Variants in DMD observed in about 807,000 individuals in gnomAD.
The protein encoded by DMD is dystrophin.
DMD carries 63 observed loss-of-function variants against 330.1 expected under a neutral mutation model. That is an observed-to-expected ratio of 0.19 (90% CI 0.16 to 0.24). The LOEUF (loss-of-function observed/expected upper bound fraction) is 0.24. Among genes scored for constraint, DMD ranks in the 10% least tolerant of loss-of-function variants. DMD has a pLI of 1.00. For missense variants in DMD, 3,344 were observed against 2,684.1 expected, an observed-to-expected ratio of 1.25 and a Z score of -5.43; for synonymous variants, 1,223 against 959.8, an observed-to-expected ratio of 1.27 and a Z score of -5.07.
intron 15 of DMD, among the ~76,000 whole-genome samples, chrX:32,566,734 A>G (rs1297317779): frequency 8.9e-6 from 1 of 111,821 alleles, no homozygotes; most frequent in Admixed American, 9.5e-5. Flanking sequence ...AAATCAGTAA[A>G]TCAGGGCAGT....
chrX:31,582,759 C>A (rs1171921423), intron 55 of DMD, among the ~76,000 whole-genome samples: 1 of 111,934 alleles, frequency 8.9e-6, no homozygotes, highest in Non-Finnish European at 1.9e-5. Flanking sequence ...CCAACGGTGA[C>A]AAGATTCGAA....
chrX:33,060,052 A>G lies in DMD; in HGVS notation c.32-39852T>C, dbSNP rs1043519207. Among the ~76,000 whole-genome samples the G allele has an allele frequency of 1.6e-4, 18 of 111,641 alleles. 1 individual carries two copies. The highest frequency in any genetic ancestry group is 1.1e-3 in the Admixed American group (11 of 10,413). On this transcript the variant is annotated intron_variant, in intron 1 of 78. Transcript: ENST00000357033. ...ATACTGTTAAAGAAAAAATTATTCA[A>G]TGTCACTTGCTGAATCACGGTAAGG... is the stretch of plus-strand genomic sequence containing the variant.
intron 12 of DMD, among the ~76,000 whole-genome samples, chrX:32,603,897 A>G (rs950298438): frequency 9.0e-6 from 1 of 111,618 alleles, no homozygotes; most frequent in African/African-American, 3.2e-5. Flanking sequence ...GACCAGACGT[A>G]TTCACAGCCG....
At chrX:31,374,337 A>G (rs1602275037) in intron 60 of DMD, among the ~76,000 whole-genome samples, 1 of 105,355 alleles carries the variant, frequency 9.5e-6, no homozygotes, top group Non-Finnish European at 1.9e-5. Context: ...TACCCAAAGG[A>G]CTATAAATCA....
chrX:31,310,195 CTCTCTCTCTCCATAT>C (rs2055369421), intron 62 of DMD, among the ~76,000 whole-genome samples: 1 of 72,254 alleles, frequency 1.4e-5, no homozygotes, highest in African/African-American at 8.3e-5. Flanking sequence ...CTCTCTCTCT[CTCTCTCTCTCCATAT>C]ATATATATAT....
At chrX:31,613,659 C>A (rs765453793) in intron 55 of DMD, among the ~76,000 whole-genome samples, 1 of 111,408 alleles carries the variant, frequency 9.0e-6, no homozygotes, top group East Asian at 2.8e-4. Flanking sequence ...GCAGAAGGTG[C>A]CCCTTCTCTT....
intron 78 of DMD, among the ~76,000 whole-genome samples, chrX:31,123,806 CAT>C (rs927456624): frequency 8.9e-6 from 1 of 112,008 alleles, no homozygotes; most frequent in African/African-American, 3.2e-5. Context: ...AGCTAGAAAA[CAT>C]ATTACAAAAC....
chrX:32,088,856 G>A (rs143086112), intron 44 of DMD, among the ~76,000 whole-genome samples: 1,180 of 111,057 alleles, frequency 0.011, 17 homozygotes, highest in African/African-American at 0.033. Context: ...TACGACAAGC[G>A]CTAAGATTGA....
intron 52 of DMD, among the ~76,000 whole-genome samples, chrX:31,707,768 C>T (rs1300644213): frequency 1.8e-5 from 2 of 111,264 alleles, no homozygotes; most frequent in Admixed American, 9.6e-5. Flanking sequence ...CTACAAGGTA[C>T]CACGTGTTTG....
chrX:32,587,055 C>A (rs1053504439), intron 13 of DMD, among the ~76,000 whole-genome samples: 1 of 110,922 alleles, frequency 9.0e-6, no homozygotes, highest in Non-Finnish European at 1.9e-5. Flanking sequence ...TCATAAATAA[C>A]TTCTATTTCT....
At chrX:32,153,931 C>G (rs1389386231) in intron 44 of DMD, among the ~76,000 whole-genome samples, 1 of 112,135 alleles carries the variant, frequency 8.9e-6, no homozygotes, top group Non-Finnish European at 1.9e-5. Context: ...ACAATTAAAT[C>G]TAAATAATAA....
At chrX:32,668,116 G>T (rs764052020) in intron 9 of DMD, among the ~76,000 whole-genome samples, 1 of 110,473 alleles carries the variant, frequency 9.1e-6, no homozygotes, top group East Asian at 2.9e-4. Flanking sequence ...GCCACTGCAT[G>T]CCAGCCTGGC....
chrX:33,035,723 G>A (rs1196150774), intron 1 of DMD, among the ~76,000 whole-genome samples: 1 of 111,649 alleles, frequency 9.0e-6, no homozygotes, highest in Non-Finnish European at 1.9e-5. Flanking sequence ...ATGTGGAATT[G>A]ATGGTTTTCA....
intron 37 of DMD, among the ~76,000 whole-genome samples, chrX:32,354,104 G>A (rs2097790665): frequency 9.0e-6 from 1 of 111,201 alleles, no homozygotes; most frequent in Non-Finnish European, 1.9e-5. Flanking sequence ...ACTTTGGCAT[G>A]CACAGATACA....
At chrX:31,142,940 T>C (rs990370130) in intron 76 of DMD, among the ~76,000 whole-genome samples, 1 of 112,092 alleles carries the variant, frequency 8.9e-6, no homozygotes, top group African/African-American at 3.2e-5. Context: ...TCACCTAATA[T>C]GACTTGTCTC....
chrX:31,575,862 T>C (rs2076071138), intron 55 of DMD, among the ~76,000 whole-genome samples: 1 of 112,100 alleles, frequency 8.9e-6, no homozygotes, highest in African/African-American at 3.2e-5. Flanking sequence ...TGTTGGCACA[T>C]AACATTCACT....
At chrX:32,832,220 G>A (rs2079211071) in intron 4 of DMD, among the ~76,000 whole-genome samples, 2 of 111,229 alleles carry the variant, frequency 1.8e-5, no homozygotes, top group Non-Finnish European at 3.8e-5. Context: ...AACTAGATAT[G>A]AAATGGTACA....
intron 34 of DMD, among the ~76,000 whole-genome samples, chrX:32,367,894 G>A (rs183312604): frequency 3.7e-4 from 41 of 111,754 alleles, no homozygotes; most frequent in African/African-American, 1.2e-3. Context: ...GTGATTCACA[G>A]GACAATTTAC....
chrX:33,153,201 G>C (rs1228509590), intron 1 of DMD, among the ~76,000 whole-genome samples: 1 of 112,655 alleles, frequency 8.9e-6, no homozygotes, highest in Non-Finnish European at 1.9e-5. Context: ...ACCTAAGGTT[G>C]GGAGTTTAAG....
Sources: allele counts gnomAD v4.1 joint callset (sites outside exome capture counted in the v4.1 genomes callset), GRCh38; gene constraint gnomAD v4.1.1; transcripts MANE v1.5; gene names NCBI Gene and HGNC (gene_info 2026-07-23, HGNC 2026-07-21).